Variants in SNX29 observed in about 807,000 individuals in gnomAD.
SNX29 encodes sorting nexin 29.
SNX29 carries 78 observed loss-of-function variants against 102.1 expected under a neutral mutation model. That is an observed-to-expected ratio of 0.76 (90% CI 0.64 to 0.92). The LOEUF is 0.92. Ranked by LOEUF, SNX29 falls within the 40% of genes least tolerant of loss-of-function variation. SNX29 has a pLI of 0.00. For synonymous variants in SNX29, 580 were observed against 414.5 expected (o/e 1.40, Z -4.85); for missense variants, 1,280 against 1,061.7 (o/e 1.21, Z -2.86).
At chr16:12,113,753 G>A (rs901190271) in intron 11 of SNX29, among the ~76,000 whole-genome samples, 4 of 152,242 alleles carry the variant, frequency 2.6e-5, no homozygotes, top group East Asian at 1.9e-4. Flanking sequence ...GGCTTTAGAC[G>A]GGTCGGGGTC....
At chr16:12,538,421 G>A (rs1295233452) in intron 20 of SNX29, among the ~76,000 whole-genome samples, 1 of 152,172 alleles carries the variant, frequency 6.6e-6, no homozygotes, top group African/African-American at 2.4e-5. Context: ...ATGTCTGGGA[G>A]TAATAACTGA....
intron 8 of SNX29, among the ~76,000 whole-genome samples, chr16:12,054,466 G>C (rs2050437921): frequency 6.6e-6 from 1 of 152,254 alleles, no homozygotes; most frequent in South Asian, 2.1e-4. Flanking sequence ...GCCCTCCCCA[G>C]TGTGGGTGGA....
chr16:12,540,653 C>G (rs983151033), intron 20 of SNX29, among the ~76,000 whole-genome samples: 1 of 152,206 alleles, frequency 6.6e-6, no homozygotes, highest in Non-Finnish European at 1.5e-5. Flanking sequence ...ATCTCAAAAG[C>G]CTGAATGTAA....
chr16:12,430,821 G>A (rs575043880), intron 18 of SNX29, among the ~76,000 whole-genome samples: 60 of 151,866 alleles, frequency 4.0e-4, no homozygotes, highest in Non-Finnish European at 8.2e-4. Context: ...AGTCATAAAA[G>A]CTTCCAGGAG....
intron 15 of SNX29, among the ~76,000 whole-genome samples, chr16:12,280,749 C>G (rs1219131426): frequency 6.6e-6 from 1 of 152,192 alleles, no homozygotes; most frequent in Non-Finnish European, 1.5e-5. Flanking sequence ...TCGAGACCCT[C>G]AGAACGTTCT....
At chr16:12,380,749 A>G (rs925882377) in intron 16 of SNX29, among the ~76,000 whole-genome samples, 169 of 70,454 alleles carry the variant, frequency 2.4e-3, no homozygotes, top group Middle Eastern at 0.01. Context: ...CCATCCACCC[A>G]CCATCCATCC....
chr16:12,448,543 G>C (rs1276763575), intron 18 of SNX29, among the ~76,000 whole-genome samples: 2 of 150,962 alleles, frequency 1.3e-5, no homozygotes, highest in Non-Finnish European at 2.9e-5. Context: ...GACACCTCCT[G>C]CTTATGTACA....
intron 14 of SNX29, among the ~76,000 whole-genome samples, chr16:12,258,520 G>A (rs1051039033): frequency 1.3e-5 from 2 of 152,072 alleles, no homozygotes; most frequent in East Asian, 1.9e-4. Context: ...TGTTACTCCC[G>A]GAAATTCTCC....
At chr16:12,198,646 CA>C (rs1280495263) in intron 13 of SNX29, among the ~76,000 whole-genome samples, 1 of 152,232 alleles carries the variant, frequency 6.6e-6, no homozygotes, top group Non-Finnish European at 1.5e-5. Context: ...GTCTGAATCT[CA>C]AAGCAGATGG....
At chr16:12,050,173 C>G (rs1473879000) in intron 7 of SNX29, among the ~76,000 whole-genome samples, 1 of 152,134 alleles carries the variant, frequency 6.6e-6, no homozygotes, top group Non-Finnish European at 1.5e-5. Flanking sequence ...AGAAGTTCCA[C>G]CCATTTTTGG....
chr16:12,004,725 G>A (rs1439720005), intron 3 of SNX29, among the ~76,000 whole-genome samples: 2 of 152,150 alleles, frequency 1.3e-5, no homozygotes, highest in Non-Finnish European at 2.9e-5. Flanking sequence ...ACAGCCATGA[G>A]AAAGCATGTA....
At chr16:12,091,201 A>G (rs1453835946) in intron 11 of SNX29, among the ~76,000 whole-genome samples, 2 of 152,094 alleles carry the variant, frequency 1.3e-5, no homozygotes, top group Admixed American at 1.3e-4. Context: ...GAAGAAACTG[A>G]GAGGCTTTGC....
intron 13 of SNX29, among the ~76,000 whole-genome samples, chr16:12,163,449 ACAGAGGCCAGAC>A (rs1441041802): frequency 1.6e-4 from 24 of 152,250 alleles, no homozygotes; most frequent in African/African-American, 5.3e-4. Flanking sequence ...GCTCAAGTGG[ACAGAGGCCAGAC>A]CAGAGGCCTG....
chr16:12,107,096 G>A (rs2053284618), intron 11 of SNX29, among the ~76,000 whole-genome samples: 1 of 152,204 alleles, frequency 6.6e-6, no homozygotes, highest in Non-Finnish European at 1.5e-5. Context: ...GGGATTCCAG[G>A]TGCGGGCCAC....
chr16:12,129,486 C>A, intron 12 of SNX29, 144 bp from the exon 13 acceptor site: 1 of 1,097,904 alleles, frequency 9.1e-7, no homozygotes, highest in Non-Finnish European at 1.2e-6. Context: ...CTCCAGTTCA[C>A]ATGAGATAGA....
intron 20 of SNX29, among the ~76,000 whole-genome samples, chr16:12,537,533 T>C (rs897375768): frequency 1.3e-5 from 2 of 152,208 alleles, no homozygotes; most frequent in Admixed American, 6.5e-5. Flanking sequence ...AAAGGAAATA[T>C]TACCTACTAT....
intron 19 of SNX29, among the ~76,000 whole-genome samples, chr16:12,513,774 C>G (rs961687377): frequency 6.6e-6 from 1 of 152,240 alleles, no homozygotes; most frequent in African/African-American, 2.4e-5. Flanking sequence ...TGAAGCTTTG[C>G]TAACAGCGCC....
intron 20 of SNX29, among the ~76,000 whole-genome samples, chr16:12,547,980 C>T (rs1393956983): frequency 6.6e-6 from 1 of 152,154 alleles, no homozygotes; most frequent in Non-Finnish European, 1.5e-5. Flanking sequence ...GACAGCATGG[C>T]ACAGGGGTCT....
chr16:12,554,846 C>T (rs1041319294), intron 20 of SNX29, among the ~76,000 whole-genome samples: 1 of 152,134 alleles, frequency 6.6e-6, no homozygotes, highest in Non-Finnish European at 1.5e-5. Flanking sequence ...TCCGTAGGTG[C>T]CAGGGTGCTC....
Sources: gnomAD v4.1 joint callset for allele counts (sites outside exome capture counted in the v4.1 genomes callset) on GRCh38, gnomAD v4.1.1 for gene constraint, MANE v1.5 for transcripts, NCBI Gene and HGNC (gene_info 2026-07-23, HGNC 2026-07-21) for gene names.